SCRG1: variants seen among roughly 807,000 people sequenced by gnomAD.
The protein encoded by SCRG1 is scrapie-responsive protein 1.
A neutral mutation model predicts 7.7 loss-of-function variants in SCRG1; 3 were observed. The observed-to-expected ratio is 0.39, with a 90% CI of 0.18 to 1.01. The LOEUF (loss-of-function observed/expected upper bound fraction) is 1.01, where lower values mean the gene tolerates loss of function less well. Among genes scored for constraint, SCRG1 ranks in the 50% least tolerant of loss-of-function variants. The pLI, the probability that SCRG1 is intolerant of heterozygous loss-of-function variation, is 0.36. For missense variants in SCRG1, 110 were observed against 117.2 expected (o/e 0.94, Z 0.28); for synonymous variants, 46 against 41.2 (o/e 1.12, Z -0.44).
chr4:173,490,893 G>A, the SCRG1 span, among the ~76,000 whole-genome samples: 1 of 152,132 alleles, frequency 6.6e-6, no homozygotes, highest in Non-Finnish European at 1.5e-5. Flanking sequence ...TGCCCAGTCT[G>A]GTCCCTCCTG....
the SCRG1 span, among the ~76,000 whole-genome samples, chr4:173,426,987 G>GT: frequency 1.3e-5 from 2 of 152,192 alleles, no homozygotes; most frequent in Non-Finnish European, 2.9e-5. Context: ...TTATATGCAT[G>GT]TTTTAGCATT....
At chr4:173,506,422 AT>A in the SCRG1 span, among the ~76,000 whole-genome samples, 3 of 151,994 alleles carry the variant, frequency 2.0e-5, no homozygotes. The surrounding 1 kb of genome is among the most constrained non-coding windows in gnomAD (Gnocchi z 5.3). Flanking sequence ...AACTCCTCTC[AT>A]GCCTGGAACT....
the SCRG1 span, among the ~76,000 whole-genome samples, chr4:173,417,600 CTCCT>C: frequency 3.7e-4 from 56 of 151,630 alleles, no homozygotes; most frequent in African/African-American, 1.1e-3. Context: ...CCCTCCCTCC[CTCCT>C]TCCTTCCTTC....
At chr4:173,425,519 T>G in the SCRG1 span, among the ~76,000 whole-genome samples, 6 of 152,250 alleles carry the variant, frequency 3.9e-5, no homozygotes, top group African/African-American at 1.4e-4. Flanking sequence ...ATACTGGATC[T>G]CTTCCTGTGT....
chr4:173,405,994 A>G (rs944637802), intron 1 of SCRG1, among the ~76,000 whole-genome samples: 18 of 152,360 alleles, frequency 1.2e-4, no homozygotes, highest in African/African-American at 3.8e-4. Context: ...GCAAGGAAAT[A>G]TACTGTGTAT....
the SCRG1 span, among the ~76,000 whole-genome samples, chr4:173,426,565 C>T: frequency 2.6e-5 from 4 of 152,186 alleles, no homozygotes; most frequent in East Asian, 3.8e-4. Context: ...TAGGCTCAAG[C>T]GATCCTCCCA....
the SCRG1 span, among the ~76,000 whole-genome samples, chr4:173,450,074 A>C: frequency 4.6e-5 from 7 of 152,308 alleles, no homozygotes; most frequent in Middle Eastern, 3.4e-3. Context: ...ATTGACTCAC[A>C]GTTCTGCATA....
At chr4:173,466,776 A>T in the SCRG1 span, among the ~76,000 whole-genome samples, 1 of 152,230 alleles carries the variant, frequency 6.6e-6, no homozygotes, top group African/African-American at 2.4e-5. Context: ...GTAAAACTAT[A>T]GTGAATTATA....
At chr4:173,394,058 T>C (rs1293452666) in intron 1 of SCRG1, among the ~76,000 whole-genome samples, 1 of 152,110 alleles carries the variant, frequency 6.6e-6, no homozygotes, top group Non-Finnish European at 1.5e-5. Flanking sequence ...ATTGTTTTTT[T>C]TTCTTTCTGC....
At chr4:173,496,815 G>A in the SCRG1 span, among the ~76,000 whole-genome samples, 1 of 152,170 alleles carries the variant, frequency 6.6e-6, no homozygotes, top group Non-Finnish European at 1.5e-5. Flanking sequence ...TTACATTTAT[G>A]AAGAATGGCA....
the SCRG1 span, among the ~76,000 whole-genome samples, chr4:173,435,074 T>C: frequency 6.6e-6 from 1 of 152,010 alleles, no homozygotes; most frequent in Non-Finnish European, 1.5e-5. Context: ...GGATTCACTA[T>C]TATATAGAAT....
At chr4:173,489,654 GACATTCT>G in the SCRG1 span, among the ~76,000 whole-genome samples, 1 of 152,222 alleles carries the variant, frequency 6.6e-6, no homozygotes, top group African/African-American at 2.4e-5. Flanking sequence ...AAAAGAAGAA[GACATTCT>G]ACCTCTTCAC....
the SCRG1 span, among the ~76,000 whole-genome samples, chr4:173,483,176 T>A: frequency 3.2e-5 from 4 of 126,810 alleles, no homozygotes; most frequent in East Asian, 9.4e-4. Flanking sequence ...ATATAACATA[T>A]AATATATTAT....
At chr4:173,457,577 G>A in the SCRG1 span, among the ~76,000 whole-genome samples, 2 of 152,138 alleles carry the variant, frequency 1.3e-5, no homozygotes, top group East Asian at 1.9e-4. Context: ...GTCTGTCCCC[G>A]CAGATGTGGG....
the SCRG1 span, among the ~76,000 whole-genome samples, chr4:173,477,020 C>G: frequency 6.6e-6 from 1 of 152,138 alleles, no homozygotes; most frequent in South Asian, 2.1e-4. Context: ...TTACCTGGAA[C>G]AGAAGGAAGG....
At chr4:173,483,628 G>A in the SCRG1 span, among the ~76,000 whole-genome samples, 2 of 35,022 alleles carry the variant, frequency 5.7e-5, no homozygotes, top group African/African-American at 1.8e-4. Context: ...ATATTATATT[G>A]TGATATATAA....
chr4:173,420,211 C>T, the SCRG1 span: 2 of 337,192 alleles, frequency 5.9e-6, no homozygotes, highest in Non-Finnish European at 1.1e-5. Context: ...GAAAAGGGCC[C>T]TTTTCTGTAC....
At chr4:173,477,710 CCTT>C in the SCRG1 span, among the ~76,000 whole-genome samples, 3 of 3,032 alleles carry the variant, frequency 9.9e-4, no homozygotes, top group Non-Finnish European at 1.1e-3. Flanking sequence ...TTTTTCCCTT[CCTT>C]CCTTCCTTCC....
At chr4:173,476,363 A>AAAAATATATATATATATATATATAT in the SCRG1 span, among the ~76,000 whole-genome samples, 8 of 98,504 alleles carry the variant, frequency 8.1e-5, no homozygotes, top group East Asian at 7.3e-4. Flanking sequence ...GGAAAAAAAA[A>AAAAATATATATATATATATATATAT]ATATATATAT....
Sources: gnomAD v4.1 joint callset for allele counts (sites outside exome capture counted in the v4.1 genomes callset) on GRCh38, gnomAD v4.1.1 for gene constraint, Gnocchi (gnomAD v3.1) non-coding constraint, MANE v1.5 for transcripts, NCBI Gene and HGNC (gene_info 2026-07-23, HGNC 2026-07-21) for gene names.